Variants in HAS2 observed in about 807,000 individuals in gnomAD.
HAS2 encodes the protein hyaluronan synthase 2, also known as HA synthase 2.
In HAS2, 16 loss-of-function variants were observed where a neutral mutation model predicts 51.6. The observed-to-expected ratio is 0.31, with a 90% confidence interval of 0.21 to 0.47. The LOEUF is 0.47. Among genes scored for constraint, HAS2 ranks in the 20% least tolerant of loss-of-function variants. The pLI is 1.00. For synonymous variants in HAS2, 228 were observed against 235.5 expected (o/e 0.97, Z 0.29); for missense variants, 361 against 662.6 (o/e 0.54, Z 5.00).
intron 2 of HAS2, among the ~76,000 whole-genome samples, chr8:121,628,369 T>C (rs1056829075): frequency 3.3e-5 from 5 of 152,086 alleles, no homozygotes; most frequent in African/African-American, 1.2e-4. Context: ...TGGAGAGTTT[T>C]AGAGTGTGGA....
At chr8:121,635,459 T>C (rs1309995710) in intron 1 of HAS2, among the ~76,000 whole-genome samples, 7 of 152,178 alleles carry the variant, frequency 4.6e-5, no homozygotes, top group Admixed American at 3.3e-4. Context: ...CCATTACTTA[T>C]GGGTTAACAA....
At chr8:121,623,353 C>A (rs1812799818) in intron 2 of HAS2, among the ~76,000 whole-genome samples, 1 of 152,000 alleles carries the variant, frequency 6.6e-6, no homozygotes, top group South Asian at 2.1e-4. Context: ...AGTGAGAAAC[C>A]AAATGCTGTC....
chr8:121,617,356 T>G (rs2130433482), intron 2 of HAS2, 150 bp from the exon 3 acceptor site: 3 of 586,236 alleles, frequency 5.1e-6, no homozygotes, highest in Non-Finnish European at 9.1e-6. Context: ...AGAGGCCTTG[T>G]TATATCATGG....
intron 1 of HAS2, among the ~76,000 whole-genome samples, chr8:121,629,691 A>G (rs943357761): frequency 1.2e-4 from 19 of 152,218 alleles, no homozygotes; most frequent in African/African-American, 4.3e-4. Flanking sequence ...ATAGCCAGGC[A>G]GGGACCCTGA....
At position 121,612,405 on chromosome 8, in the gene HAS2, G is replaced by A. The variant is rs905645505; in HGVS notation, c.*1704C>T. On this transcript the variant is annotated 3_prime_UTR_variant, in exon 4 of 4. Coordinates refer to ENST00000303924, the MANE Select transcript of HAS2 (RefSeq NM_005328.3). Reference sequence around the variant, plus strand: ...TGTACCTTTTTGTACTCTGAAGGTAGGATGTGCAGCTTTTTCTTAGGCAGG... The same window carrying A: ...TGTACCTTTTTGTACTCTGAAGGTAAGATGTGCAGCTTTTTCTTAGGCAGG... 1 of 152,136 alleles carries A rather than the reference G, an allele frequency of 6.6e-6. No homozygotes were observed. The highest frequency in any genetic ancestry group is 6.6e-5 in the Admixed American group (1 of 15,260). The allele number at this position is 152,136 out of a possible 1,614,324, so 9.4% of individuals were successfully genotyped here.
intron 1 of HAS2, among the ~76,000 whole-genome samples, chr8:121,631,210 C>G (rs1395137629): frequency 6.6e-6 from 1 of 152,206 alleles, no homozygotes; most frequent in Non-Finnish European, 1.5e-5. Context: ...GGAATACCTG[C>G]CAAGGACTCT....
chr8:121,631,848 A>T (rs530229474), intron 1 of HAS2, among the ~76,000 whole-genome samples: 10 of 152,346 alleles, frequency 6.6e-5, no homozygotes, highest in Non-Finnish European at 1.3e-4. Context: ...GGAGAAGCTT[A>T]AGTGTGTATT....
intron 1 of HAS2, among the ~76,000 whole-genome samples, chr8:121,636,317 G>A (rs188207228): frequency 2.9e-4 from 44 of 152,128 alleles, no homozygotes; most frequent in Non-Finnish European, 5.4e-4. Context: ...AAGTCTCCCC[G>A]CAGCAGTCTT....
At chr8:121,619,360 G>A (rs943917222) in intron 2 of HAS2, among the ~76,000 whole-genome samples, 2 of 152,082 alleles carry the variant, frequency 1.3e-5, no homozygotes, top group African/African-American at 2.4e-5. Flanking sequence ...TGGAGTATAT[G>A]GGGCATCAGA....
chr8:121,618,002 CAAAA>C (rs11356339), intron 2 of HAS2, among the ~76,000 whole-genome samples: 1 of 126,374 alleles, frequency 7.9e-6, no homozygotes, highest in Non-Finnish European at 1.7e-5. Flanking sequence ...TTCTATGAGC[CAAAA>C]AAAAAAAAAG....
At chr8:121,626,866 G>GA (rs1283177026) in intron 2 of HAS2, among the ~76,000 whole-genome samples, 53 of 152,326 alleles carry the variant, frequency 3.5e-4, no homozygotes, top group Middle Eastern at 6.8e-3. Context: ...CTAGTTAAAA[G>GA]CTGCTGGTCG....
At chr8:121,639,110 G>A (rs962183955) in intron 1 of HAS2, among the ~76,000 whole-genome samples, 1 of 152,208 alleles carries the variant, frequency 6.6e-6, no homozygotes. Flanking sequence ...GAGCAGTGAA[G>A]TTGTCTCCCT....
chr8:121,625,217 A>G (rs538826508), intron 2 of HAS2, among the ~76,000 whole-genome samples: 2 of 152,138 alleles, frequency 1.3e-5, no homozygotes, highest in East Asian at 3.9e-4. Flanking sequence ...GGGAAAAAAC[A>G]GAAAAATATA....
intron 1 of HAS2, among the ~76,000 whole-genome samples, chr8:121,630,075 C>T (rs1255164052): frequency 1.3e-5 from 2 of 152,006 alleles, no homozygotes; most frequent in Middle Eastern, 3.2e-3. Context: ...ATTAAAGCCC[C>T]GTAATTCTGA....
chr8:121,633,134 AC>A (rs1812956406), intron 1 of HAS2, among the ~76,000 whole-genome samples: 1 of 133,434 alleles, frequency 7.5e-6, no homozygotes, highest in Non-Finnish European at 1.6e-5. Context: ...TTGTTTCCCT[AC>A]CTTTTTTTTT....
chr8:121,633,091 G>A (rs1233125685), intron 1 of HAS2, among the ~76,000 whole-genome samples: 5 of 150,214 alleles, frequency 3.3e-5, no homozygotes, highest in African/African-American at 9.8e-5. Context: ...AAATGTCATC[G>A]TATAAGGAAA....
chr8:121,637,553 G>C (rs1297608558), intron 1 of HAS2, among the ~76,000 whole-genome samples: 1 of 151,964 alleles, frequency 6.6e-6, no homozygotes, highest in Non-Finnish European at 1.5e-5. Context: ...ACCACACCTG[G>C]CTAATTTTTG....
intron 1 of HAS2, among the ~76,000 whole-genome samples, chr8:121,636,182 T>C (rs1386656943): frequency 1.3e-5 from 2 of 152,244 alleles, no homozygotes; most frequent in African/African-American, 2.4e-5. Context: ...TAACAAAGTT[T>C]GGCAACCACT....
chr8:121,613,973 C>T lies in HAS2; in HGVS notation c.*136G>A. The T allele has an allele frequency of 1.6e-6, 2 of 1,270,310 alleles. No homozygotes were observed. The highest frequency in any genetic ancestry group is 1.1e-6 in the Non-Finnish European group (1 of 901,640). The allele number at this position is 1,270,310 out of a possible 1,614,324, so 78.7% of individuals were successfully genotyped here. A position where few individuals can be genotyped will look rare whatever the true frequency, so the allele number is the denominator to read the frequency against. ...TACTTTGGCAGAATGAAAATAAACC[C>T]ATATAAATGTCTTTGTTCAAGTCCC... is the stretch of plus-strand genomic sequence containing the variant. On this transcript the variant is annotated 3_prime_UTR_variant, in exon 4 of 4. Coordinates refer to ENST00000303924, the MANE Select transcript of HAS2 (RefSeq NM_005328.3).
Sources: allele counts gnomAD v4.1 joint callset (sites outside exome capture counted in the v4.1 genomes callset), GRCh38; gene constraint gnomAD v4.1.1; transcripts MANE v1.5; gene names NCBI Gene and HGNC (gene_info 2026-07-23, HGNC 2026-07-21).